The following VPS13B variants were observed in gnomAD, a reference collection of about 807,000 sequenced individuals.
The protein encoded by VPS13B is intermembrane lipid transfer protein VPS13B.
In VPS13B, 285 loss-of-function variants were observed where a neutral mutation model predicts 426.4. The ratio of observed to expected loss-of-function variants is 0.67; its 90% CI spans 0.61 to 0.74. The LOEUF (loss-of-function observed/expected upper bound fraction) is 0.74, where lower values mean the gene tolerates loss of function less well. VPS13B is among the 30% of genes least tolerant of loss of function. The pLI, the probability that VPS13B is intolerant of heterozygous loss-of-function variation, is 0.00. For missense variants in VPS13B, 4,537 were observed against 4,782.6 expected (o/e 0.95, Z 1.51); for synonymous variants, 1,676 against 1,676.4 (o/e 1.00, Z 0.01).
intron 14 of VPS13B, among the ~76,000 whole-genome samples, chr8:99,151,062 G>A (rs10955203): frequency 0.034 from 5,227 of 152,112 alleles, 127 homozygotes; most frequent in East Asian, 0.092. Context: ...TCAGTGCTTC[G>A]GTTCTTTGCC....
rs948295273 is a variant in VPS13B, at chr8:99,447,896, A to G, written c.3445+5261A>G. On this transcript the variant is annotated intron_variant, in intron 23 of 61. Transcript: ENST00000357162. ...CTCTGTCTTTTCAAATGATTTTATA[A>G]AAGGACCGATATATAGTGCCCATCA... Among the ~76,000 whole-genome samples the G allele has an allele frequency of 6.6e-5, 10 of 151,982 alleles. No individual in the cohort carries two copies. The South Asian group carries it at 2.1e-3, about 32-fold the overall frequency.
At chr8:99,675,135 T>A (rs1830877838) in intron 35 of VPS13B, among the ~76,000 whole-genome samples, 1 of 152,128 alleles carries the variant, frequency 6.6e-6, no homozygotes, top group Admixed American at 6.5e-5. Flanking sequence ...GGTGATTAAC[T>A]CCCTCAGCTT....
At chr8:99,648,782 G>T (rs1353921793) in intron 34 of VPS13B, among the ~76,000 whole-genome samples, 1 of 152,172 alleles carries the variant, frequency 6.6e-6, no homozygotes, top group Non-Finnish European at 1.5e-5. Flanking sequence ...GAGGGGGAAA[G>T]TGGTCTTTTG....
intron 40 of VPS13B, among the ~76,000 whole-genome samples, chr8:99,772,044 C>T (rs189202734): frequency 2.5e-4 from 38 of 152,294 alleles, no homozygotes; most frequent in Admixed American, 1.5e-3. Flanking sequence ...ACTCTGTATA[C>T]GAAGTCCTCC....
At chr8:99,086,597 C>T (rs532992887) in intron 3 of VPS13B, among the ~76,000 whole-genome samples, 2 of 152,214 alleles carry the variant, frequency 1.3e-5, no homozygotes, top group East Asian at 3.9e-4. Flanking sequence ...GTTTTATCTA[C>T]CTTTGGTCTT....
chr8:99,057,858 A>C (rs766604051), intron 3 of VPS13B, among the ~76,000 whole-genome samples: 1 of 152,072 alleles, frequency 6.6e-6, no homozygotes, highest in Admixed American at 6.5e-5. Context: ...CTGCTTTCCT[A>C]TCTCTTGAGT....
At chr8:99,557,547 A>T (rs1824652442) in intron 31 of VPS13B, among the ~76,000 whole-genome samples, 3 of 152,090 alleles carry the variant, frequency 2.0e-5, no homozygotes, top group African/African-American at 7.2e-5. Context: ...TCATTGGTTG[A>T]CGGGCACTTC....
At chr8:99,651,527 C>T (rs1226738853) in intron 34 of VPS13B, among the ~76,000 whole-genome samples, 1 of 152,058 alleles carries the variant, frequency 6.6e-6, no homozygotes, top group Non-Finnish European at 1.5e-5. Context: ...CATGCCCTTC[C>T]CACCTGGAGC....
At position 99,784,327 on chromosome 8, in the gene VPS13B, G is replaced by A. The variant is rs202238616; in HGVS notation, c.7792G>A (p.Glu2598Lys). 8.7e-6 allele frequency: 14 copies of A among 1,613,526 alleles called. No individual in the cohort carries two copies. Among genetic ancestry groups the A allele is most frequent in the Non-Finnish European group, 1.2e-5 (14 of 1,179,656 alleles). The change falls in exon 43 of 62, where the codon GAG (glutamate) becomes AAG (lysine). Residue 2598 changes from glutamate (E) to lysine (K), a missense_variant. This residue lies in a region of VPS13B where 4,311 missense variants were observed against 4,474.3 expected (regional missense o/e 0.96). Transcript: ENST00000357162. ...IQAWQQNKCPEVEELVFSHFV... is the reference protein window; with the variant it reads ...IQAWQQNKCPKVEELVFSHFV... ...CTTTTTCTTTCAGAACAAATGCCCTGAGGTAGAGGAGTTGGTCTTCAGCCA... is the reference window on the plus strand; with the variant it reads ...CTTTTTCTTTCAGAACAAATGCCCTAAGGTAGAGGAGTTGGTCTTCAGCCA...
At chr8:99,316,089 G>A (rs1314983245) in intron 19 of VPS13B, among the ~76,000 whole-genome samples, 1 of 152,200 alleles carries the variant, frequency 6.6e-6, no homozygotes, top group African/African-American at 2.4e-5. Context: ...TGTGGCCCTG[G>A]TGCTCTGGAA....
chr8:99,569,265 A>G (rs1000759769), intron 31 of VPS13B, among the ~76,000 whole-genome samples: 3 of 151,714 alleles, frequency 2.0e-5, no homozygotes, highest in African/African-American at 4.8e-5. Context: ...CCGTCTCTAC[A>G]AAAAATACAA....
At chr8:99,775,278 T>C (rs1056226723) in intron 40 of VPS13B, among the ~76,000 whole-genome samples, 2 of 152,138 alleles carry the variant, frequency 1.3e-5, no homozygotes, top group Non-Finnish European at 2.9e-5. Flanking sequence ...CTGTCATAGT[T>C]CTCCCTAGGA....
chr8:99,591,164 C>CTT (rs376201526), intron 33 of VPS13B, among the ~76,000 whole-genome samples: 4,585 of 96,250 alleles, frequency 0.048, 195 homozygotes, highest in Non-Finnish European at 0.069. Flanking sequence ...GCAACCGCTC[C>CTT]TTTTTTTTTT....
intron 36 of VPS13B, among the ~76,000 whole-genome samples, chr8:99,709,206 C>A (rs1832615503): frequency 6.6e-6 from 1 of 152,134 alleles, no homozygotes; most frequent in Non-Finnish European, 1.5e-5. Context: ...TTACTTACAG[C>A]TGGATAAAAT....
rs186042082 is a variant in VPS13B, at chr8:99,178,690, C to T, written c.2333+8527C>T. 3.9e-5 allele frequency among the ~76,000 whole-genome samples: 6 copies of T among 152,062 alleles called. No individual in the cohort carries two copies. The East Asian group carries it at 1.2e-3, about 29-fold the overall frequency. On this transcript the variant is annotated intron_variant, in intron 16 of 61. Transcript: ENST00000357162. ...AGGCTGGAGTGTAGTGGCACGATCT[C>T]GACTCACTGCAACCTCTATCTCCTG...
intron 51 of VPS13B, among the ~76,000 whole-genome samples, chr8:99,827,542 AT>A (rs142426991): frequency 0.13 from 17,806 of 136,906 alleles, 1,065 homozygotes; most frequent in African/African-American, 0.14. Flanking sequence ...GGTTTCGTTG[AT>A]TTTTTTTTTT....
intron 27 of VPS13B, among the ~76,000 whole-genome samples, chr8:99,503,993 T>C (rs948089262): frequency 6.6e-6 from 1 of 152,222 alleles, no homozygotes; most frequent in Non-Finnish European, 1.5e-5. Flanking sequence ...TTTGGATATA[T>C]GTCCCTTCCA....
intron 34 of VPS13B, among the ~76,000 whole-genome samples, chr8:99,660,438 T>C (rs1490563988): frequency 6.6e-6 from 1 of 152,138 alleles, no homozygotes; most frequent in Non-Finnish European, 1.5e-5. Context: ...ATGGAATAGA[T>C]GGACTCTATG....
chr8:99,373,348 G>T (rs1250292440), intron 19 of VPS13B, among the ~76,000 whole-genome samples: 1 of 150,918 alleles, frequency 6.6e-6, no homozygotes, highest in Non-Finnish European at 1.5e-5. Context: ...AAAAGAAAAA[G>T]AAGTTCTGAG....
Sources: gnomAD v4.1 joint callset for allele counts (sites outside exome capture counted in the v4.1 genomes callset) on GRCh38, gnomAD v4.1.1 for gene constraint, gnomAD v4.1.1 regional missense constraint, MANE v1.5 for transcripts, NCBI Gene and HGNC (gene_info 2026-07-23, HGNC 2026-07-21) for gene names.